Variants in RPL22L1 observed in about 807,000 individuals in gnomAD.
RPL22L1 encodes the protein ribosomal protein L22 like 1.
In RPL22L1, 19 loss-of-function variants were observed where a neutral mutation model predicts 17.3. The ratio of observed to expected loss-of-function variants is 1.10; its 90% CI spans 0.77 to 1.61. RPL22L1 has a LOEUF of 1.61. RPL22L1 is among the 40% of genes most tolerant of loss of function. The pLI is 0.00. For synonymous variants in RPL22L1, 48 were observed against 48.5 expected (o/e 0.99, Z 0.05); for missense variants, 139 against 144.4 (o/e 0.96, Z 0.19).
At chr3:170,868,652 A>G (rs1303361209) in intron 1 of RPL22L1, among the ~76,000 whole-genome samples, 3 of 152,076 alleles carry the variant, frequency 2.0e-5, no homozygotes, top group Admixed American at 6.5e-5. Context: ...ATTTTAAATT[A>G]TCGTGCTTTT....
intron 1 of RPL22L1, chr3:170,869,919 CACCCATCCTAA>C: frequency 1.5e-6 from 1 of 677,792 alleles, no homozygotes; most frequent in Non-Finnish European, 2.7e-6. Context: ...TGTCCAAAAC[CACCCATCCTAA>C]ACCAATTCCG....
intron 1 of RPL22L1, among the ~76,000 whole-genome samples, 158 bp from the exon 2 acceptor site, chr3:170,868,548 G>A (rs780687496): frequency 1.1e-4 from 16 of 151,962 alleles, no homozygotes; most frequent in Non-Finnish European, 1.9e-4. Flanking sequence ...CACTACCCAC[G>A]CCGGGGTTGA....
intron 3 of RPL22L1, among the ~76,000 whole-genome samples, chr3:170,867,463 C>T (rs1162353276): frequency 2.0e-5 from 3 of 152,170 alleles, no homozygotes; most frequent in Non-Finnish European, 4.4e-5. Context: ...CAGCACTTAT[C>T]ACTGCTTGAT....
chr3:170,870,123 C>T, intron 1 of RPL22L1, 36 bp downstream of exon 1: 1 of 1,613,898 alleles, frequency 6.2e-7, no homozygotes, highest in Non-Finnish European at 8.5e-7. Flanking sequence ...CATTAAATTG[C>T]CACACAACAC....
At chr3:170,870,006 T>A in intron 1 of RPL22L1, 153 bp downstream of exon 1, 1 of 1,121,230 alleles carries the variant, frequency 8.9e-7, no homozygotes, top group Admixed American at 2.0e-5. Flanking sequence ...CAGTTCAGGA[T>A]CCTCGCGTCT....
At chr3:170,867,122 T>C (rs1440607868) in intron 3 of RPL22L1, among the ~76,000 whole-genome samples, 2 of 151,838 alleles carry the variant, frequency 1.3e-5, no homozygotes, top group Non-Finnish European at 2.9e-5. Context: ...ACCACTTTAG[T>C]CCAAGCCATC....
At chr3:170,868,907 G>A (rs1453143256) in intron 1 of RPL22L1, among the ~76,000 whole-genome samples, 1 of 151,864 alleles carries the variant, frequency 6.6e-6, no homozygotes, top group Non-Finnish European at 1.5e-5. Flanking sequence ...GATCACGTGA[G>A]GTCAGGAGTT....
At chr3:170,870,128 C>A (rs199670825) in intron 1 of RPL22L1, 31 bp downstream of exon 1, 477 of 1,613,956 alleles carry the variant, frequency 3.0e-4, no homozygotes, top group Non-Finnish European at 3.8e-4. Context: ...AATTGCCACA[C>A]AACACTCCCA....
At chr3:170,868,434 AT>A (rs1269539607) in intron 1 of RPL22L1, 44 bp from the exon 2 acceptor site, 1 of 1,182,954 alleles carries the variant, frequency 8.5e-7, no homozygotes, top group Non-Finnish European at 1.2e-6. Context: ...AAAACAACTT[AT>A]TCAATTTATA....
At chr3:170,870,044 T>C in intron 1 of RPL22L1, 115 bp downstream of exon 1, 1 of 1,480,370 alleles carries the variant, frequency 6.8e-7, no homozygotes, top group Non-Finnish European at 9.4e-7. Flanking sequence ...CAGACTTCAC[T>C]ACTCCCCTCC....
At chr3:170,868,548 G>C (rs780687496) in intron 1 of RPL22L1, among the ~76,000 whole-genome samples, 158 bp from the exon 2 acceptor site, 1 of 151,962 alleles carries the variant, frequency 6.6e-6, no homozygotes, top group Non-Finnish European at 1.5e-5. Context: ...CACTACCCAC[G>C]CCGGGGTTGA....
chr3:170,869,262 A>G (rs1352506214), intron 1 of RPL22L1, among the ~76,000 whole-genome samples: 2 of 152,220 alleles, frequency 1.3e-5, no homozygotes, highest in Non-Finnish European at 2.9e-5. Flanking sequence ...ATGAACAAAC[A>G]AATCTGTATT....
chr3:170,868,881 G>A (rs1489525840), intron 1 of RPL22L1, among the ~76,000 whole-genome samples: 1 of 151,754 alleles, frequency 6.6e-6, no homozygotes, highest in African/African-American at 2.4e-5. Flanking sequence ...AGCACTTTGG[G>A]AGGCTGAGGC....
intron 1 of RPL22L1, 142 bp downstream of exon 1, chr3:170,870,017 T>C (rs1443948222): frequency 1.6e-6 from 2 of 1,220,108 alleles, no homozygotes; most frequent in South Asian, 2.6e-5. Flanking sequence ...CCTCGCGTCT[T>C]GGTTGTGTTT....
Position 170,868,061 on chromosome 3 carries a change from C to T in RPL22L1, c.176G>A (p.Arg59His), listed in dbSNP as rs369439744. 1.6e-5 allele frequency: 25 copies of T among 1,604,224 alleles called. No homozygotes were observed. The highest frequency in any genetic ancestry group is 2.2e-5 in the East Asian group (1 of 44,710). The change falls in exon 3 of 4, where the codon CGC becomes CAC. Residue 59 changes from arginine to histidine, a missense_variant. Physicochemically the swap from Arg to His is conservative, Grantham distance 29. Transcript: ENST00000295830. ...AACAACTGTGATTTTATTCTTGAAG[C>T]GTTCAATGTGAACAACATTCCCGAG... ...GNLGNVVHIE[R>H]FKNKITVVSE...
intron 1 of RPL22L1, among the ~76,000 whole-genome samples, chr3:170,868,966 CA>C (rs1711882533): frequency 6.6e-6 from 1 of 151,790 alleles, no homozygotes; most frequent in Non-Finnish European, 1.5e-5. Context: ...AGTAAAAATA[CA>C]AAAATTAGCC....
chr3:170,865,622 A>C lies in RPL22L1; in HGVS notation c.*758T>G, dbSNP rs965824408. ...GTAGCTGAGTTGAGATTTGGTTTTG[A>C]GTTTCTGGTGCCTACAAAGCAGGTG... On this transcript the variant is annotated 3_prime_UTR_variant, in exon 4 of 4. Transcript: ENST00000295830. 1 of 152,232 alleles carries C rather than the reference A, an allele frequency of 6.6e-6. No individual in the cohort carries two copies. Among genetic ancestry groups the C allele is most frequent in the South Asian group, 2.1e-4 (1 of 4,824 alleles). The allele number at this position is 152,232 out of a possible 1,614,324, so 9.4% of individuals were successfully genotyped here.
intron 1 of RPL22L1, 23 bp downstream of exon 1, chr3:170,870,136 C>T (rs1711939631): frequency 6.2e-7 from 1 of 1,613,974 alleles, no homozygotes; most frequent in Non-Finnish European, 8.5e-7. Context: ...CACAACACTC[C>T]CACCAAGACA....
rs144996484 is a variant in RPL22L1, at chr3:170,868,662, T to C, written c.10-272A>G. Among the ~76,000 whole-genome samples the C allele has an allele frequency of 1.6e-3, 244 of 152,138 alleles. 1 individual carries two copies. Among genetic ancestry groups the C allele is most frequent in the African/African-American group, 5.7e-3 (236 of 41,528 alleles). ...GATCAATTTTAAATTATCGTGCTTT[T>C]CTGCCACCCCACTGCAGATGGGAAT... On this transcript the variant is annotated intron_variant, in intron 1 of 3. Transcript: ENST00000295830.
Sources: allele counts gnomAD v4.1 joint callset (sites outside exome capture counted in the v4.1 genomes callset), GRCh38; gene constraint gnomAD v4.1.1; transcripts MANE v1.5; gene names NCBI Gene and HGNC (gene_info 2026-07-23, HGNC 2026-07-21).